The following SMAD3 variants were observed in gnomAD, a reference collection of about 807,000 sequenced individuals.
SMAD3 encodes SMAD family member 3.
SMAD3 carries 12 observed loss-of-function variants against 51.8 expected under a neutral mutation model. The observed-to-expected ratio is 0.23, with a 90% CI of 0.15 to 0.38. SMAD3 has a LOEUF of 0.38. Ranked by LOEUF, SMAD3 falls within the 10% of genes least tolerant of loss-of-function variation. The pLI, the probability that SMAD3 is intolerant of heterozygous loss-of-function variation, is 1.00. For missense variants in SMAD3, 294 were observed against 565.6 expected (o/e 0.52, Z 4.87); for synonymous variants, 238 against 227.7 (o/e 1.05, Z -0.41).
chr15:67,184,396 C>G (rs527274166), intron 6 of SMAD3, among the ~76,000 whole-genome samples: 50 of 152,290 alleles, frequency 3.3e-4, no homozygotes, highest in African/African-American at 1.1e-3. Context: ...TGTGAGCCAC[C>G]GCGCCTGGCC....
chr15:67,142,836 G>A, intron 1 of SMAD3: 1 of 454,260 alleles, frequency 2.2e-6, no homozygotes, highest in East Asian at 7.0e-5. Flanking sequence ...GGCAGCTGGT[G>A]GGCACCCCAT....
intron 1 of SMAD3, among the ~76,000 whole-genome samples, chr15:67,150,363 T>G (rs1962096720): frequency 6.6e-6 from 1 of 152,196 alleles, no homozygotes; most frequent in Non-Finnish European, 1.5e-5. Context: ...CGCCTGACAT[T>G]TTCTCTAAGT....
Position 67,183,031 on chromosome 15 carries a change from A to ATT in SMAD3, c.871+1597_871+1598dup, listed in dbSNP as rs57749736. On this transcript the variant is annotated intron_variant, in intron 6 of 8. Coordinates refer to ENST00000327367, the MANE Select transcript of SMAD3 (RefSeq NM_005902.4). ...TATATATATATATATATATATATATATTTTTTTTTTTTTTTTTTTTGGAGC... is the reference window on the plus strand; with the variant it reads ...TATATATATATATATATATATATATATTTTTTTTTTTTTTTTTTTTTTGGAGC... 5.1e-4 allele frequency among the ~76,000 whole-genome samples: 15 copies of ATT among 29,698 alleles called. 1 individual carries two copies. The highest frequency in any genetic ancestry group is 4.5e-3 in the South Asian group (2 of 446). 19.5% of individuals were successfully genotyped at this position (29,698 alleles called of 152,430 possible). A position where few individuals can be genotyped will look rare whatever the true frequency, so the allele number is the denominator to read the frequency against.
At chr15:67,164,089 A>T (rs1274894727) in intron 1 of SMAD3, among the ~76,000 whole-genome samples, 1 of 152,056 alleles carries the variant, frequency 6.6e-6, no homozygotes, top group Admixed American at 6.6e-5. Flanking sequence ...AGGCGGGCAG[A>T]TCACGAGGTT....
Position 67,112,894 on chromosome 15 carries a change from G to C in SMAD3, c.206+46534G>C, listed in dbSNP as rs140604100. The stretch of plus-strand genomic sequence containing the variant: ...ATGTCCATGCACTGTTTGTTGAGAA[G>C]AATGTGCTTTCCCCAGTGAATTGTC... On this transcript the variant is annotated intron_variant, in intron 1 of 8. Transcript: ENST00000327367. 8.2e-3 allele frequency among the ~76,000 whole-genome samples: 1,067 copies of C among 130,184 alleles called. 269 individuals are homozygous for C. The highest frequency in any genetic ancestry group is 0.031 in the African/African-American group (1,017 of 32,592). 85.4% of individuals were successfully genotyped at this position (130,184 alleles called of 152,430 possible).
rs80226876 is a variant in SMAD3, at chr15:67,193,025, C to T, written c.*2489C>T. ...TCACTGAAAATAAATTTGATCATACCTAAGAGGTTAGGAAATGGTGCCATT... is the reference window on the plus strand; with the variant it reads ...TCACTGAAAATAAATTTGATCATACTTAAGAGGTTAGGAAATGGTGCCATT... On this transcript the variant is annotated 3_prime_UTR_variant, in exon 9 of 9. Coordinates refer to ENST00000327367, the MANE Select transcript of SMAD3 (RefSeq NM_005902.4). 728 of 233,236 alleles carry T rather than the reference C, an allele frequency of 3.1e-3. 9 individuals are homozygous for T. Among genetic ancestry groups the T allele is most frequent in the African/African-American group, 0.015 (675 of 45,418 alleles). 14.4% of individuals were successfully genotyped at this position (233,236 alleles called of 1,614,324 possible). A position where few individuals can be genotyped will look rare whatever the true frequency, so the allele number is the denominator to read the frequency against.
chr15:67,173,407 G>A (rs1411985305), intron 5 of SMAD3, among the ~76,000 whole-genome samples: 1 of 152,158 alleles, frequency 6.6e-6, no homozygotes. Context: ...TGTGCCATGT[G>A]TGAGCGGGCC....
chr15:67,154,768 A>G (rs1032010544), intron 1 of SMAD3, among the ~76,000 whole-genome samples: 1 of 152,188 alleles, frequency 6.6e-6, no homozygotes, highest in African/African-American at 2.4e-5. Flanking sequence ...AATATAATCA[A>G]ATTATATGTC....
At chr15:67,136,789 C>T (rs1438110976) in intron 1 of SMAD3, among the ~76,000 whole-genome samples, 2 of 152,234 alleles carry the variant, frequency 1.3e-5, no homozygotes, top group Admixed American at 6.5e-5. Flanking sequence ...CCAACCTCCA[C>T]CCTATAGAGA....
At chr15:67,070,897 G>C (rs747038953) in intron 1 of SMAD3, among the ~76,000 whole-genome samples, 11 of 152,046 alleles carry the variant, frequency 7.2e-5, no homozygotes, top group Non-Finnish European at 1.5e-4. Flanking sequence ...GATAAGTTCT[G>C]TGGAAGTGTT....
intron 1 of SMAD3, among the ~76,000 whole-genome samples, chr15:67,075,825 G>A (rs1960154954): frequency 6.6e-6 from 1 of 151,506 alleles, no homozygotes; most frequent in South Asian, 2.1e-4. Context: ...TGAGACAGGA[G>A]AATTGCTTGA....
At chr15:67,128,922 G>A (rs79152045) in intron 1 of SMAD3, among the ~76,000 whole-genome samples, 3,225 of 152,288 alleles carry the variant, frequency 0.021, 131 homozygotes, top group African/African-American at 0.074. Context: ...TCTTAAAGGC[G>A]ATGTGCACCT....
intron 8 of SMAD3, among the ~76,000 whole-genome samples, chr15:67,187,897 C>T (rs1354161691): frequency 1.3e-5 from 2 of 152,114 alleles, no homozygotes; most frequent in African/African-American, 2.4e-5. Context: ...TGGCTTCTTC[C>T]TTAGTCTCAT....
intron 1 of SMAD3, among the ~76,000 whole-genome samples, chr15:67,157,470 C>T (rs1197679665): frequency 6.6e-6 from 1 of 152,232 alleles, no homozygotes; most frequent in Non-Finnish European, 1.5e-5. Flanking sequence ...GGGCAAGCCT[C>T]CTGAGTTCTC....
intron 5 of SMAD3, among the ~76,000 whole-genome samples, chr15:67,176,217 G>A (rs566673454): frequency 6.6e-6 from 1 of 152,308 alleles, no homozygotes; most frequent in Non-Finnish European, 1.5e-5. Context: ...TGGGACACAA[G>A]GTTAATTCTG....
chr15:67,068,154 A>G (rs149926061), intron 1 of SMAD3, among the ~76,000 whole-genome samples: 1 of 152,372 alleles, frequency 6.6e-6, no homozygotes, highest in African/African-American at 2.4e-5. Context: ...AAAGTAGATA[A>G]GGTTGTTAGG....
chr15:67,170,160 T>C (rs1166683103), intron 4 of SMAD3, among the ~76,000 whole-genome samples: 1 of 152,168 alleles, frequency 6.6e-6, no homozygotes, highest in Non-Finnish European at 1.5e-5. Flanking sequence ...GGAGAAGGGC[T>C]TCCCTGCTCC....
At chr15:67,187,852 C>G (rs139615285) in intron 8 of SMAD3, among the ~76,000 whole-genome samples, 165 of 152,278 alleles carry the variant, frequency 1.1e-3, no homozygotes, top group African/African-American at 3.6e-3. Context: ...TGCAGTCACA[C>G]TGGTAGAAGA....
intron 1 of SMAD3, among the ~76,000 whole-genome samples, chr15:67,164,178 A>T (rs1320719885): frequency 6.6e-6 from 1 of 150,672 alleles, no homozygotes. Context: ...AGCTGGGCGT[A>T]GTGGCGGGTG....
Sources: allele counts gnomAD v4.1 joint callset (sites outside exome capture counted in the v4.1 genomes callset), GRCh38; gene constraint gnomAD v4.1.1; transcripts MANE v1.5; gene names NCBI Gene and HGNC (gene_info 2026-07-23, HGNC 2026-07-21).